Variants in CWH43 observed in about 807,000 individuals in gnomAD.
CWH43 encodes the protein cell wall biogenesis 43 C-terminal homolog, also known as PGAP2-interacting protein.
In CWH43, 91 loss-of-function variants were observed where a neutral mutation model predicts 85.7. That is an observed-to-expected ratio of 1.06 (90% confidence interval 0.90 to 1.26). The LOEUF (loss-of-function observed/expected upper bound fraction) is 1.26. CWH43 is among the 50% of genes most tolerant of loss of function. CWH43 has a pLI of 0.00. For synonymous variants in CWH43, 323 were observed against 293.6 expected (o/e 1.10, Z -1.02); for missense variants, 869 against 839.2 (o/e 1.04, Z -0.44).
At chr4:49,060,683 T>G (rs1785125887) in intron 15 of CWH43, among the ~76,000 whole-genome samples, 1 of 152,202 alleles carries the variant, frequency 6.6e-6, no homozygotes, top group African/African-American at 2.4e-5. Context: ...TTTTCTTATT[T>G]CTCTAATACA....
At chr4:49,001,504 C>T (rs190488004) in intron 6 of CWH43, among the ~76,000 whole-genome samples, 4 of 152,178 alleles carry the variant, frequency 2.6e-5, no homozygotes, top group Non-Finnish European at 4.4e-5. Flanking sequence ...AAGGGAAATG[C>T]ATGCACATAT....
chr4:48,988,747 T>C, intron 2 of CWH43, 79 bp downstream of exon 2: 1 of 823,428 alleles, frequency 1.2e-6, no homozygotes. Flanking sequence ...GTTCTTTGAA[T>C]ACTAAATATT....
chr4:49,052,568 A>C (rs1226414898), intron 15 of CWH43, among the ~76,000 whole-genome samples: 1 of 152,190 alleles, frequency 6.6e-6, no homozygotes, highest in Non-Finnish European at 1.5e-5. Context: ...AAAATCAGAG[A>C]AGAAAAGGAT....
At position 49,038,016 on chromosome 4, in the gene CWH43, C is replaced by T. The variant is rs1460706494; in HGVS notation, c.1659-20C>T. The T allele has an allele frequency of 6.3e-7, 1 of 1,585,998 alleles. No individual in the cohort carries two copies. On this transcript the variant is annotated intron_variant, in intron 12 of 15. Transcript: ENST00000226432. Reference sequence around the variant, plus strand: ...TTGTTTTACAAATACAATAAAGGGTCATATTTTTACATTTTTTAGAGATGA... The same window carrying T: ...TTGTTTTACAAATACAATAAAGGGTTATATTTTTACATTTTTTAGAGATGA...
chr4:49,012,833 A>G (rs1577672008), intron 8 of CWH43, among the ~76,000 whole-genome samples: 2 of 152,242 alleles, frequency 1.3e-5, no homozygotes, highest in East Asian at 3.9e-4. Flanking sequence ...CAGAATAGTA[A>G]ATATTGCTGC....
In CWH43 at chr4:49,061,957, G is replaced by T; in HGVS notation, c.*67G>T. 2 of 1,165,820 alleles carry T rather than the reference G, an allele frequency of 1.7e-6. No homozygotes were observed. The highest frequency in any genetic ancestry group is 3.2e-5 in the East Asian group (1 of 30,862). The allele number at this position is 1,165,820 out of a possible 1,614,324, so 72.2% of individuals were successfully genotyped here. A position where few individuals can be genotyped will look rare whatever the true frequency, so the allele number is the denominator to read the frequency against. The stretch of plus-strand genomic sequence containing the variant: ...AAAAAAGTATGTAAGATAAAAAGAA[G>T]AGATTAATGAAAGTGGGAAAATACA... On this transcript the variant is annotated 3_prime_UTR_variant, in exon 16 of 16. Transcript: ENST00000226432.
intron 15 of CWH43, 60 bp from the exon 16 acceptor site, chr4:49,061,752 A>C (rs1785164914): frequency 8.2e-7 from 1 of 1,214,572 alleles, no homozygotes; most frequent in Non-Finnish European, 1.1e-6. Context: ...ACATAAGAAC[A>C]TACCTTTCTG....
At chr4:49,031,138 T>C in intron 11 of CWH43, 178 bp downstream of exon 11, 1 of 555,464 alleles carries the variant, frequency 1.8e-6, no homozygotes, top group Non-Finnish European at 3.0e-6. Context: ...GGTTTTTCTG[T>C]GGCTGGATAT....
At chr4:49,058,971 A>G (rs1246849025) in intron 15 of CWH43, among the ~76,000 whole-genome samples, 1 of 151,996 alleles carries the variant, frequency 6.6e-6, no homozygotes, top group Non-Finnish European at 1.5e-5. Context: ...TATATTTGGG[A>G]GTTATTTGGG....
At chr4:49,031,081 G>C in intron 11 of CWH43, 121 bp downstream of exon 11, 1 of 913,086 alleles carries the variant, frequency 1.1e-6, no homozygotes, top group Non-Finnish European at 1.6e-6. Context: ...TGCTTCTTGG[G>C]GGATGAGGAG....
At chr4:49,028,505 A>G in intron 9 of CWH43, 124 bp from the exon 10 acceptor site, 1 of 610,634 alleles carries the variant, frequency 1.6e-6, no homozygotes, top group Non-Finnish European at 2.9e-6. Flanking sequence ...TAAATGTGGG[A>G]AAATGTCTAA....
chr4:48,992,292 C>G lies in CWH43; in HGVS notation c.511+202C>G, dbSNP rs1439423113. On this transcript the variant is annotated intron_variant, in intron 4 of 15. Transcript: ENST00000226432. The surrounding 1 kb of genome is among the most constrained non-coding windows in gnomAD (Gnocchi z 4.3). ...GGCACATTTTCCTTGCCTGTACAGA[C>G]AGAGGGTGAAAATAAAATACCATTA... 6.6e-6 allele frequency among the ~76,000 whole-genome samples: 1 copy of G among 152,204 alleles called. No individual in the cohort carries two copies. Among genetic ancestry groups the G allele is most frequent in the Non-Finnish European group, 1.5e-5 (1 of 68,040 alleles).
At chr4:48,999,926 C>T (rs1782935698) in intron 6 of CWH43, among the ~76,000 whole-genome samples, 1 of 152,086 alleles carries the variant, frequency 6.6e-6, no homozygotes, top group East Asian at 1.9e-4. Context: ...TGCCCTCTTC[C>T]CTCTCCCCTA....
intron 14 of CWH43, among the ~76,000 whole-genome samples, chr4:49,048,936 G>A (rs1292790090): frequency 6.6e-6 from 1 of 152,076 alleles, no homozygotes; most frequent in Non-Finnish European, 1.5e-5. Context: ...CAAATTCAAT[G>A]CCCTACATGT....
At position 49,007,313 on chromosome 4, in the gene CWH43, A is replaced by G; in HGVS notation, c.1173A>G (p.Lys391=). 1 of 1,597,402 alleles carries G rather than the reference A, an allele frequency of 6.3e-7. No homozygotes were observed. The highest frequency in any genetic ancestry group is 8.5e-7 in the Non-Finnish European group (1 of 1,174,050). ...AAGTGCTTTTCAGAAAGAGTGAAAAATACATGAAACTTTGTAAGTATAGTT... is the reference window on the plus strand; with the variant it reads ...AAGTGCTTTTCAGAAAGAGTGAAAAGTACATGAAACTTTGTAAGTATAGTT... ...SSKVLFRKSE[K]YMKLFLWLLV... Residue 391 remains lysine, a synonymous_variant, in exon 8 of 16, where the codon AAA becomes AAG. Transcript: ENST00000226432.
intron 12 of CWH43, among the ~76,000 whole-genome samples, chr4:49,033,970 C>T (rs1359192815): frequency 6.6e-6 from 1 of 152,094 alleles, no homozygotes; most frequent in Non-Finnish European, 1.5e-5. Flanking sequence ...CCCTGGTTAC[C>T]TCACTGTTTC....
intron 15 of CWH43, among the ~76,000 whole-genome samples, chr4:49,056,947 T>A (rs1784984151): frequency 1.3e-5 from 2 of 152,228 alleles, no homozygotes; most frequent in African/African-American, 4.8e-5. Context: ...TTCTACATAT[T>A]TGTGAATTTT....
At chr4:49,023,029 T>C (rs1484383799) in intron 9 of CWH43, among the ~76,000 whole-genome samples, 2 of 152,216 alleles carry the variant, frequency 1.3e-5, no homozygotes, top group Admixed American at 1.3e-4. Flanking sequence ...TTTGTTTCAA[T>C]ATCATTTAAT....
At chr4:49,055,536 C>T (rs1784923281) in intron 15 of CWH43, among the ~76,000 whole-genome samples, 1 of 151,840 alleles carries the variant, frequency 6.6e-6, no homozygotes, top group East Asian at 1.9e-4. Flanking sequence ...TGCAGGTGTT[C>T]CCTCCTCTTC....
Sources: allele counts gnomAD v4.1 joint callset (sites outside exome capture counted in the v4.1 genomes callset), GRCh38; gene constraint gnomAD v4.1.1; non-coding constraint Gnocchi (gnomAD v3.1); transcripts MANE v1.5; gene names NCBI Gene and HGNC (gene_info 2026-07-23, HGNC 2026-07-21).